Variants in PRH1 observed in about 807,000 individuals in gnomAD.
PRH1 encodes salivary acidic proline-rich phosphoprotein 1/2.
A neutral mutation model predicts 7.9 loss-of-function variants in PRH1; 7 were observed. The observed-to-expected ratio is 0.89, with a 90% CI of 0.50 to 1.67. PRH1 has a LOEUF of 1.67. Among genes scored for constraint, PRH1 ranks in the 40% most tolerant of loss-of-function variants. The pLI is 0.00. For missense variants in PRH1, 109 were observed against 223.6 expected, an observed-to-expected ratio of 0.49 and a Z score of 3.27; for synonymous variants, 45 against 80.8, an observed-to-expected ratio of 0.56 and a Z score of 2.38.
chr12:11,127,544 C>G (rs368983272), intron 1 of PRH1, among the ~76,000 whole-genome samples: 12 of 152,364 alleles, frequency 7.9e-5, no homozygotes, highest in African/African-American at 2.9e-4. Context: ...GGCCAATATT[C>G]CTTGAAAACT....
chr12:11,062,183 T>C (rs1004956487), intron 1 of PRH1: 2 of 1,613,498 alleles, frequency 1.2e-6, no homozygotes, highest in African/African-American at 1.3e-5. Context: ...ATCTTTTGTC[T>C]CTTGAACCAC....
At chr12:11,066,299 C>A (rs1266488286) in intron 1 of PRH1, among the ~76,000 whole-genome samples, 1 of 152,118 alleles carries the variant, frequency 6.6e-6, no homozygotes, top group Non-Finnish European at 1.5e-5. Flanking sequence ...CTATTTGGTC[C>A]TAAAATCCTC....
At chr12:11,097,781 A>G (rs1435479812) in intron 1 of PRH1, among the ~76,000 whole-genome samples, 1 of 113,790 alleles carries the variant, frequency 8.8e-6, no homozygotes, top group Non-Finnish European at 2.1e-5. Context: ...GGAGAATGCT[A>G]TTTGGTAAAT....
chr12:11,144,739 T>G lies in PRH1; in HGVS notation n.40-23559A>C, dbSNP rs536732585. ...ATGGTGCCAGGCAGGAATCGGCTGTTTGGGGACCCAGTGAGCTCCCAGGGC... is the reference window on the plus strand; with the variant it reads ...ATGGTGCCAGGCAGGAATCGGCTGTGTGGGGACCCAGTGAGCTCCCAGGGC... On this transcript the variant is annotated intron_variant and non_coding_transcript_variant, in intron 1 of 1. Coordinates refer to the PRH1 transcript ENST00000541175. Among the ~76,000 whole-genome samples, 33 of 152,332 alleles carry G rather than the reference T, an allele frequency of 2.2e-4. No homozygotes were observed. In the South Asian group the frequency reaches 3.9e-3, roughly 18 times the overall value.
At chr12:10,889,796 T>C (rs1175220469) in intron 2 of PRH1, among the ~76,000 whole-genome samples, 1 of 152,194 alleles carries the variant, frequency 6.6e-6, no homozygotes, top group Non-Finnish European at 1.5e-5. Context: ...ATGCTATTTA[T>C]CATGCCCAAT....
rs2136253509 is a variant in PRH1 at position 11,089,936 on chromosome 12, G to T, written n.124-42748C>A. ...AACTTTTCCTTAGAGGAAGGATTCT[G>T]CTTGGATAAGCCTGTAATCTTAACC... On this transcript the variant is annotated intron_variant and non_coding_transcript_variant, in intron 1 of 4. Coordinates refer to the PRH1 transcript ENST00000541977. 1.8e-5 allele frequency among the ~76,000 whole-genome samples: 2 copies of T among 113,562 alleles called. 1 individual carries two copies. The highest frequency in any genetic ancestry group is 4.8e-4 in the South Asian group (2 of 4,192). The allele number at this position is 113,562 out of a possible 152,430, so 74.5% of individuals were successfully genotyped here. A position where few individuals can be genotyped will look rare whatever the true frequency, so the allele number is the denominator to read the frequency against.
chr12:11,075,084 C>A (rs71453431), intron 1 of PRH1, among the ~76,000 whole-genome samples: 41,817 of 95,178 alleles, frequency 0.44, 6,020 homozygotes, highest in Non-Finnish European at 0.54. Context: ...TCACTGTAAA[C>A]TCAGACACTG....
chr12:11,141,004 A>T (rs1946685865), intron 1 of PRH1, among the ~76,000 whole-genome samples: 1 of 117,464 alleles, frequency 8.5e-6, no homozygotes, highest in Non-Finnish European at 2.0e-5. Flanking sequence ...GCTACTAAGT[A>T]ATACTTGTAT....
chr12:10,971,604 C>A (rs1442096558), intron 2 of PRH1, among the ~76,000 whole-genome samples: 4 of 152,100 alleles, frequency 2.6e-5, no homozygotes, highest in South Asian at 2.1e-4. Context: ...AGTACCTGTA[C>A]TGAGTCTTAA....
Position 11,082,982 on chromosome 12 carries a change from G to C in PRH1, n.124-35794C>G, listed in dbSNP as rs559528268. 2.5e-4 allele frequency among the ~76,000 whole-genome samples: 29 copies of C among 116,124 alleles called. 9 individuals are homozygous for C. The highest frequency in any genetic ancestry group is 2.4e-3 in the Admixed American group (28 of 11,590). The allele number at this position is 116,124 out of a possible 152,430, so 76.2% of individuals were successfully genotyped here. Reference sequence around the variant, plus strand: ...AGTAGTTACACTACATATGTTTTAAGGCTTAACAAAATTATCTTTCTATGA... The same window carrying C: ...AGTAGTTACACTACATATGTTTTAACGCTTAACAAAATTATCTTTCTATGA... On this transcript the variant is annotated intron_variant and non_coding_transcript_variant, in intron 1 of 4. Coordinates refer to the PRH1 transcript ENST00000541977.
At chr12:10,959,017 C>G (rs957911684) in intron 2 of PRH1, among the ~76,000 whole-genome samples, 17 of 152,062 alleles carry the variant, frequency 1.1e-4, no homozygotes, top group African/African-American at 4.1e-4. Context: ...AAACTCATGG[C>G]AAATATCCTG....
chr12:10,945,687 A>G (rs1329822349), intron 2 of PRH1, among the ~76,000 whole-genome samples: 1 of 152,184 alleles, frequency 6.6e-6, no homozygotes, highest in Non-Finnish European at 1.5e-5. Context: ...AGAGCAGACA[A>G]CCGGTTTGAC....
At chr12:11,029,465 C>T (rs2136094935) in intron 1 of PRH1, among the ~76,000 whole-genome samples, 2 of 152,268 alleles carry the variant, frequency 1.3e-5, no homozygotes, top group South Asian at 4.1e-4. Context: ...TTTGAGTTCT[C>T]TTATCTGAAG....
chr12:10,947,655 G>T (rs1370810829), intron 2 of PRH1, among the ~76,000 whole-genome samples: 1 of 151,984 alleles, frequency 6.6e-6, no homozygotes, highest in African/African-American at 2.4e-5. Flanking sequence ...GATATGTGTG[G>T]ATTTGATCCT....
intron 1 of PRH1, among the ~76,000 whole-genome samples, chr12:11,055,145 T>G (rs1943311126): frequency 6.6e-6 from 1 of 151,540 alleles, no homozygotes; most frequent in Non-Finnish European, 1.5e-5. Flanking sequence ...TAACCAAATA[T>G]TATGCCAAAT....
chr12:11,130,841 C>A (rs1393547207), intron 1 of PRH1, among the ~76,000 whole-genome samples: 1 of 152,150 alleles, frequency 6.6e-6, no homozygotes. Context: ...AGCACAAAAC[C>A]CTGTACAACT....
At chr12:11,036,275 A>T (rs187223928) in intron 1 of PRH1, among the ~76,000 whole-genome samples, 1 of 152,370 alleles carries the variant, frequency 6.6e-6, no homozygotes, top group African/African-American at 2.4e-5. Flanking sequence ...AGTACTTACG[A>T]GTTTATCAAA....
rs549685920 is a variant in PRH1, at chr12:11,080,833, C to T, written n.124-33645G>A. Among the ~76,000 whole-genome samples the T allele has an allele frequency of 8.1e-4, 72 of 88,378 alleles. 20 individuals carry two copies. The highest frequency in any genetic ancestry group is 1.2e-3 in the South Asian group (4 of 3,244). The allele number at this position is 88,378 out of a possible 152,430, so 58.0% of individuals were successfully genotyped here. A position where few individuals can be genotyped will look rare whatever the true frequency, so the allele number is the denominator to read the frequency against. On this transcript the variant is annotated intron_variant and non_coding_transcript_variant, in intron 1 of 4. Coordinates refer to the PRH1 transcript ENST00000541977. ...TTGGAAACACACTGAAGACATGATTCCCATGATTCCATTGCATTCCTGCTT... is the reference window on the plus strand; with the variant it reads ...TTGGAAACACACTGAAGACATGATTTCCATGATTCCATTGCATTCCTGCTT...
chr12:11,055,774 A>G (rs550505857), intron 1 of PRH1, among the ~76,000 whole-genome samples: 4 of 152,358 alleles, frequency 2.6e-5, no homozygotes, highest in African/African-American at 7.2e-5. Context: ...TTCTAACCTA[A>G]TACATAGATC....
Sources: gnomAD v4.1 joint callset for allele counts (sites outside exome capture counted in the v4.1 genomes callset) on GRCh38, gnomAD v4.1.1 for gene constraint, MANE v1.5 for transcripts, NCBI Gene and HGNC (gene_info 2026-07-23, HGNC 2026-07-21) for gene names.